The following DNAH2 variants were observed in gnomAD, a reference collection of about 807,000 sequenced individuals.
DNAH2 encodes the protein axonemal beta dynein heavy chain 2.
In DNAH2, 323 loss-of-function variants were observed where a neutral mutation model predicts 523.5. That is an observed-to-expected ratio of 0.62 (90% confidence interval 0.56 to 0.68). DNAH2 has a LOEUF of 0.68. Among genes scored for constraint, DNAH2 ranks in the 30% least tolerant of loss-of-function variants. The probability of loss-of-function intolerance (pLI) is 0.00; values close to 1 mark genes in which losing one functional copy is unlikely to be tolerated. For missense variants in DNAH2, 4,907 were observed against 5,701.5 expected (o/e 0.86, Z 4.49); for synonymous variants, 2,093 against 2,177.4 (o/e 0.96, Z 1.08).
intron 63 of DNAH2, among the ~76,000 whole-genome samples, chr17:7,808,186 C>T (rs2151305404): frequency 6.6e-6 from 1 of 152,214 alleles, no homozygotes; most frequent in South Asian, 2.1e-4. Context: ...GCCTGGCCAA[C>T]ATGGTGAAAC....
Position 7,770,858 on chromosome 17 carries a change from G to A in DNAH2, c.4287G>A (p.Trp1429Ter), listed in dbSNP as rs2076295944. Residue 1429 changes from tryptophan (W) to a stop codon, truncating the protein, a stop_gained, in exon 27 of 86, where the codon TGG becomes TGA. Transcript: ENST00000572933. LOFTEE classifies it high-confidence loss of function. ...VKAFEKDVDH[W>*]ERCLSLILEV... The stretch of plus-strand genomic sequence containing the variant: ...CCTTTGAGAAGGATGTGGACCACTG[G>A]GAACGCTGCCTCTCCCTCATTTTGG... 1 of 1,614,164 alleles carries A rather than the reference G, an allele frequency of 6.2e-7. No homozygotes were observed. The highest frequency in any genetic ancestry group is 8.5e-7 in the Non-Finnish European group (1 of 1,180,034).
rs1380494625 is a variant in DNAH2 at position 7,779,516 on chromosome 17, C to T, written c.5722+93C>T. On this transcript the variant is annotated intron_variant, in intron 36 of 85. Coordinates refer to ENST00000572933, the MANE Select transcript of DNAH2 (RefSeq NM_020877.5). ...GCATCCTCCTCTTCCCCCTTCCATGCGAATGTATATAGCTAAGTGAAGTCT... is the reference window on the plus strand; with the variant it reads ...GCATCCTCCTCTTCCCCCTTCCATGTGAATGTATATAGCTAAGTGAAGTCT... The T allele has an allele frequency of 5.0e-5, 67 of 1,334,338 alleles. 2 individuals are homozygous for T. In the Admixed American group the frequency reaches 1.2e-3, roughly 24 times the overall value. The allele number at this position is 1,334,338 out of a possible 1,614,324, so 82.7% of individuals were successfully genotyped here.
rs762805190 is a variant in DNAH2, at chr17:7,778,447, G to T, written c.5519G>T (p.Arg1840Leu). The T allele has an allele frequency of 6.8e-6, 11 of 1,614,060 alleles. No homozygotes were observed. Among genetic ancestry groups the T allele is most frequent in the Non-Finnish European group, 9.3e-6 (11 of 1,180,006 alleles). Reference protein sequence around the residue: ...SEGLDYKSMGRMYSGLAQTGA... With the variant: ...SEGLDYKSMGLMYSGLAQTGA... ...GGCCTGGACTACAAGTCCATGGGCC[G>T]AATGTACTCAGGTCTGGCCCAGGTC... is the stretch of plus-strand genomic sequence containing the variant. The change falls in exon 35 of 86, where the codon CGA (arginine) becomes CTA (leucine). Residue 1840 changes from arginine to leucine, a missense_variant. Around this residue, in one of 3 missense-constraint regions of DNAH2, gnomAD observed 2,806 missense variants for 3,190.8 expected, o/e 0.88. Coordinates refer to ENST00000572933, the MANE Select transcript of DNAH2 (RefSeq NM_020877.5).
At chr17:7,830,898 T>G (rs2078155456) in intron 79 of DNAH2, 56 bp downstream of exon 79, 2 of 1,606,008 alleles carry the variant, frequency 1.2e-6, no homozygotes, top group African/African-American at 2.7e-5. Context: ...AGCCAGGTGG[T>G]GGGATCAGGG....
intron 9 of DNAH2, 34 bp downstream of exon 9, chr17:7,739,972 C>T: frequency 4.4e-6 from 7 of 1,605,356 alleles, no homozygotes; most frequent in African/African-American, 2.7e-5. Context: ...CAGGCGTGGG[C>T]AGGGAAGGCA....
intron 11 of DNAH2, among the ~76,000 whole-genome samples, chr17:7,741,236 C>CTCTT (rs71387996): frequency 0.026 from 2,207 of 85,560 alleles, 121 homozygotes; most frequent in Middle Eastern, 0.054. Flanking sequence ...TTTTCTCTCT[C>CTCTT]TCTTTCTTTC....
At chr17:7,764,545 C>G (rs1217313580) in intron 20 of DNAH2, among the ~76,000 whole-genome samples, 1 of 151,558 alleles carries the variant, frequency 6.6e-6, no homozygotes, top group African/African-American at 2.4e-5. Context: ...ACTGCAACCT[C>G]TGCCTCCCAG....
chr17:7,742,876 C>A, intron 11 of DNAH2, 52 bp from the exon 12 acceptor site: 5 of 1,246,856 alleles, frequency 4.0e-6, no homozygotes, highest in South Asian at 6.7e-5. Context: ...GATGGTGGCC[C>A]CTGGAGGAAG....
intron 3 of DNAH2, among the ~76,000 whole-genome samples, chr17:7,723,909 C>T (rs1343786318): frequency 6.6e-6 from 1 of 152,078 alleles, no homozygotes. Context: ...AGGCGCAGGT[C>T]TCTCTTGTCT....
chr17:7,770,632 C>A lies in DNAH2; in HGVS notation c.4174C>A (p.Arg1392=). 6.2e-7 allele frequency: 1 copy of A among 1,614,136 alleles called. No homozygotes were observed. The highest frequency in any genetic ancestry group is 8.5e-7 in the Non-Finnish European group (1 of 1,180,010). The change falls in exon 26 of 86, where the codon CGG becomes AGG. Residue 1392 remains arginine (R), a synonymous_variant. Coordinates refer to ENST00000572933, the MANE Select transcript of DNAH2 (RefSeq NM_020877.5). The part of the protein sequence containing the change: ...IVPYKDKGHH[R]LRGTEEVFQA... ...ACCCTACAAGGATAAGGGCCATCAT[C>A]GGCTCAGGTCAGGGGAGCTGGGGCT... is the stretch of plus-strand genomic sequence containing the variant.
At chr17:7,743,444 T>C in intron 12 of DNAH2, 2 of 674,078 alleles carry the variant, frequency 3.0e-6, no homozygotes, top group Non-Finnish European at 5.4e-6. Context: ...GGTGGGCGCA[T>C]CGCTTGAGCC....
At position 7,786,376 on chromosome 17, in the gene DNAH2, A is replaced by G; in HGVS notation, c.6348+34A>G. On this transcript the variant is annotated intron_variant, in intron 40 of 85. Transcript: ENST00000572933. The surrounding 1 kb of genome is among the most constrained non-coding windows in gnomAD (Gnocchi z 7.5). ...CTGGGACAGTGGAGTCAGTGGGCAGAGACTTGAGTAGTAAGAAGACAATGG... is the reference window on the plus strand; with the variant it reads ...CTGGGACAGTGGAGTCAGTGGGCAGGGACTTGAGTAGTAAGAAGACAATGG... 1 of 1,597,262 alleles carries G rather than the reference A, an allele frequency of 6.3e-7. No individual in the cohort carries two copies. The highest frequency in any genetic ancestry group is 1.1e-5 in the South Asian group (1 of 90,450).
chr17:7,751,162 G>T (rs79592918), intron 12 of DNAH2, among the ~76,000 whole-genome samples: 2 of 146,084 alleles, frequency 1.4e-5, no homozygotes, highest in African/African-American at 5.1e-5. Context: ...TTTTTTTTTT[G>T]AGGGGGAGTC....
chr17:7,805,634 T>G (rs549636861), intron 61 of DNAH2, among the ~76,000 whole-genome samples: 12 of 152,238 alleles, frequency 7.9e-5, no homozygotes, highest in African/African-American at 2.4e-4. Context: ...GCAGATCACT[T>G]GAGCCCAGGA....
Position 7,818,329 on chromosome 17 carries a change from C to T in DNAH2, c.10405C>T (p.Arg3469Cys), listed in dbSNP as rs529198153. Residue 3469 changes from arginine (R) to cysteine (C), a missense_variant, in exon 69 of 86, where the codon CGC becomes TGC. Physicochemically the swap from Arg to Cys is radical, Grantham distance 180. Around this residue, in one of 3 missense-constraint regions of DNAH2, gnomAD observed 1,851 missense variants for 2,139.4 expected, o/e 0.87. Transcript: ENST00000572933. The part of the protein sequence containing the change: ...VARIGGRLLM[R>C]IGDKEVEYNT... The stretch of plus-strand genomic sequence containing the variant: ...GGATGCAGGTGGTCGGCTGTTGATG[C>T]GCATTGGCGATAAGGAGGTGGAATA... 3.7e-5 allele frequency: 60 copies of T among 1,614,014 alleles called. No homozygotes were observed. Among genetic ancestry groups the T allele is most frequent in the Middle Eastern group, 3.3e-4 (2 of 6,062 alleles).
At position 7,832,865 on chromosome 17, in the gene DNAH2, C is replaced by T; in HGVS notation, c.12915C>T (p.Asp4305=). The change falls in exon 84 of 86, where the codon GAC becomes GAT. Residue 4305 remains aspartate (D), a synonymous_variant. Transcript: ENST00000572933. This position sits in a 1 kb window ranked among gnomAD's most constrained non-coding sequence, Gnocchi z 4.3. ...SSARQNNVSV[D]SLSWEFIVST... is the part of the protein sequence containing the mutation. ...CCTTCAACCCCCAGGTTTCAGTGGA[C>T]AGCCTCTCCTGGGAGTTTATCGTTT... 1 of 1,614,222 alleles carries T rather than the reference C, an allele frequency of 6.2e-7. No individual in the cohort carries two copies. The highest frequency in any genetic ancestry group is 8.5e-7 in the Non-Finnish European group (1 of 1,180,048).
intron 31 of DNAH2, 39 bp downstream of exon 31, chr17:7,776,188 G>A (rs1437953910): frequency 6.2e-7 from 1 of 1,605,100 alleles, no homozygotes; most frequent in Non-Finnish European, 8.5e-7. Context: ...ACAAGGGGCT[G>A]GGCACGGTGG....
Position 7,754,405 on chromosome 17 carries a change from C to A in DNAH2, c.1905-2686C>A, listed in dbSNP as rs959953889. The A allele has an allele frequency of 1.6e-6, 1 of 621,052 alleles. No homozygotes were observed. The highest frequency in any genetic ancestry group is 2.1e-5 in the South Asian group (1 of 48,014). 38.5% of individuals were successfully genotyped at this position (621,052 alleles called of 1,614,324 possible). ...CTTAAGGTGCAGACATGGCCAAGTC[C>A]ACACCATACACCACCAGTCCCGAAA... On this transcript the variant is annotated intron_variant, in intron 12 of 85. Transcript: ENST00000572933. The surrounding 1 kb of genome is among the most constrained non-coding windows in gnomAD (Gnocchi z 4.6).
At chr17:7,762,335 T>C (rs1057227184) in intron 18 of DNAH2, among the ~76,000 whole-genome samples, 9 of 145,742 alleles carry the variant, frequency 6.2e-5, no homozygotes, top group East Asian at 3.9e-4. Context: ...GGATTTCTTT[T>C]TTTTTTTTTT....
Sources: allele counts gnomAD v4.1 joint callset (sites outside exome capture counted in the v4.1 genomes callset), GRCh38; gene constraint gnomAD v4.1.1; regional missense constraint gnomAD v4.1.1; non-coding constraint Gnocchi (gnomAD v3.1); transcripts MANE v1.5; gene names NCBI Gene and HGNC (gene_info 2026-07-23, HGNC 2026-07-21).